PCDH15: variants seen among roughly 807,000 people sequenced by gnomAD.
The protein encoded by PCDH15 is protocadherin-15.
PCDH15 carries 129 observed loss-of-function variants against 178.5 expected under a neutral mutation model. That is an observed-to-expected ratio of 0.72 (90% CI 0.63 to 0.84). The LOEUF (loss-of-function observed/expected upper bound fraction) is 0.84, where lower values mean the gene tolerates loss of function less well. Among genes scored for constraint, PCDH15 ranks in the 40% least tolerant of loss-of-function variants. PCDH15 has a pLI of 0.00. For synonymous variants in PCDH15, 800 were observed against 732.0 expected, an observed-to-expected ratio of 1.09 and a Z score of -1.50; for missense variants, 2,230 against 2,099.9, an observed-to-expected ratio of 1.06 and a Z score of -1.21.
At position 54,434,989 on chromosome 10, in the gene PCDH15, C is replaced by A. The variant is rs142303361; in HGVS notation, c.158-56047G>T. On this transcript the variant is annotated intron_variant, in intron 3 of 37. Coordinates refer to ENST00000644397, the MANE Select transcript of PCDH15 (RefSeq NM_001384140.1). Reference sequence around the variant, plus strand: ...AATCTCTTCAATAAGAGCATTGAAACTAGGAAAGGGGTTTAGTGAGATTTA... The same window carrying A: ...AATCTCTTCAATAAGAGCATTGAAAATAGGAAAGGGGTTTAGTGAGATTTA... Among the ~76,000 whole-genome samples the A allele has an allele frequency of 8.1e-4, 123 of 152,154 alleles. 1 individual carries two copies. The highest frequency in any genetic ancestry group is 2.7e-3 in the African/African-American group (112 of 41,506).
intron 25 of PCDH15, among the ~76,000 whole-genome samples, chr10:53,910,506 C>T (rs1015721285): frequency 2.0e-5 from 3 of 152,102 alleles, no homozygotes; most frequent in African/African-American, 7.2e-5. Flanking sequence ...CCCATCTGTA[C>T]GTCACCATCA....
chr10:53,882,537 T>C (rs921300176), intron 26 of PCDH15, among the ~76,000 whole-genome samples: 1 of 152,290 alleles, frequency 6.6e-6, no homozygotes, highest in African/African-American at 2.4e-5. Flanking sequence ...AATTTTTGTA[T>C]TTTTAGTGGA....
At chr10:53,915,428 T>C (rs2083450097) in intron 25 of PCDH15, among the ~76,000 whole-genome samples, 1 of 152,212 alleles carries the variant, frequency 6.6e-6, no homozygotes, top group African/African-American at 2.4e-5. Context: ...AGCTTGGACA[T>C]TTAATTAATT....
chr10:54,049,624 AT>A (rs71007805), intron 18 of PCDH15, among the ~76,000 whole-genome samples: 29,617 of 146,810 alleles, frequency 0.2, 2,927 homozygotes, highest in Non-Finnish European at 0.24. Flanking sequence ...TATTGTGATG[AT>A]TTTTTTTTTT....
chr10:53,969,889 C>T lies in PCDH15; in HGVS notation c.2869-7997G>A, dbSNP rs559356269. Among the ~76,000 whole-genome samples, 25 of 152,288 alleles carry T rather than the reference C, an allele frequency of 1.6e-4. No individual in the cohort carries two copies. In the East Asian group the frequency reaches 4.2e-3, roughly 26 times the overall value. On this transcript the variant is annotated intron_variant, in intron 21 of 37. Coordinates refer to ENST00000644397, the MANE Select transcript of PCDH15 (RefSeq NM_001384140.1). Reference sequence around the variant, plus strand: ...AAACATGGAAAGGAACAACCAGTACCAGCCACTGCAAAAACATGCCAAATT... The same window carrying T: ...AAACATGGAAAGGAACAACCAGTACTAGCCACTGCAAAAACATGCCAAATT...
chr10:54,608,169 C>A (rs928733304), intron 2 of PCDH15, among the ~76,000 whole-genome samples: 26 of 151,772 alleles, frequency 1.7e-4, no homozygotes, highest in Admixed American at 6.6e-4. Flanking sequence ...GCAAACACTT[C>A]GCTCAATAAA....
intron 1 of PCDH15, among the ~76,000 whole-genome samples, chr10:54,759,973 G>T (rs997278360): frequency 6.6e-6 from 1 of 152,126 alleles, no homozygotes; most frequent in Non-Finnish European, 1.5e-5. Context: ...CTTATCCCAT[G>T]TATAGGGCGA....
At chr10:54,517,257 C>G (rs1026976999) in intron 3 of PCDH15, among the ~76,000 whole-genome samples, 1 of 152,094 alleles carries the variant, frequency 6.6e-6, no homozygotes, top group East Asian at 1.9e-4. Context: ...TTAAAAGACA[C>G]AGACTGGCAA....
intron 2 of PCDH15, among the ~76,000 whole-genome samples, chr10:55,432,753 G>A (rs1838914984): frequency 6.7e-6 from 1 of 150,300 alleles, no homozygotes; most frequent in Non-Finnish European, 1.5e-5. Context: ...TGGAAATACA[G>A]GTGCCTGCCA....
chr10:55,375,000 A>G (rs1845586346), intron 2 of PCDH15, among the ~76,000 whole-genome samples: 1 of 152,122 alleles, frequency 6.6e-6, no homozygotes, highest in Non-Finnish European at 1.5e-5. Flanking sequence ...TCAGTTACCA[A>G]GTAACTATCT....
intron 2 of PCDH15, among the ~76,000 whole-genome samples, chr10:54,599,300 A>G (rs1274462484): frequency 6.6e-6 from 1 of 152,298 alleles, no homozygotes; most frequent in Admixed American, 6.5e-5. Flanking sequence ...TATTGGTACA[A>G]GAACATATGC....
At chr10:55,198,199 A>G (rs996310881) in intron 1 of PCDH15, among the ~76,000 whole-genome samples, 1 of 152,112 alleles carries the variant, frequency 6.6e-6, no homozygotes, top group Non-Finnish European at 1.5e-5. Context: ...TCAATAAACC[A>G]CTATTATTCA....
At chr10:55,291,087 A>G (rs1842995982) in intron 1 of PCDH15, among the ~76,000 whole-genome samples, 3 of 152,058 alleles carry the variant, frequency 2.0e-5, no homozygotes, top group Admixed American at 6.6e-5. Context: ...ATCTTTTCTG[A>G]TGTTTCTCTC....
At chr10:54,416,503 A>G (rs752112202) in intron 3 of PCDH15, among the ~76,000 whole-genome samples, 2 of 151,986 alleles carry the variant, frequency 1.3e-5, no homozygotes, top group African/African-American at 2.4e-5. Flanking sequence ...TATGTACCAC[A>G]TTTTCATTAG....
chr10:55,228,219 A>G (rs1043120677), intron 1 of PCDH15, among the ~76,000 whole-genome samples: 1 of 152,144 alleles, frequency 6.6e-6, no homozygotes, highest in African/African-American at 2.4e-5. Context: ...CTGTAAGGTA[A>G]CATCAATAAA....
intron 2 of PCDH15, among the ~76,000 whole-genome samples, chr10:55,563,684 C>T (rs1842245333): frequency 6.7e-6 from 1 of 148,392 alleles, no homozygotes; most frequent in South Asian, 2.1e-4. Context: ...TACATAAATA[C>T]TTTAAAATAA....
intron 29 of PCDH15, among the ~76,000 whole-genome samples, chr10:53,838,470 A>G (rs910363502): frequency 6.6e-6 from 1 of 151,836 alleles, no homozygotes; most frequent in African/African-American, 2.4e-5. Flanking sequence ...TTTTCCCCAA[A>G]TATTTAATCT....
At chr10:55,335,440 TA>T (rs1380648694) in intron 2 of PCDH15, among the ~76,000 whole-genome samples, 1 of 152,062 alleles carries the variant, frequency 6.6e-6, no homozygotes, top group Non-Finnish European at 1.5e-5. Flanking sequence ...AATGAAAAAA[TA>T]AAAAACAAGA....
At chr10:55,415,040 G>C (rs191508063) in intron 2 of PCDH15, among the ~76,000 whole-genome samples, 1 of 151,628 alleles carries the variant, frequency 6.6e-6, no homozygotes, top group Non-Finnish European at 1.5e-5. Flanking sequence ...GATTATGTTA[G>C]TTGTAAGATG....
Sources: gnomAD v4.1 joint callset for allele counts (sites outside exome capture counted in the v4.1 genomes callset) on GRCh38, gnomAD v4.1.1 for gene constraint, MANE v1.5 for transcripts, NCBI Gene and HGNC (gene_info 2026-07-23, HGNC 2026-07-21) for gene names.